KMT2E: variants seen among roughly 807,000 people sequenced by gnomAD.
KMT2E encodes the protein histone reader KMT2E.
Under a neutral mutation model 184.6 loss-of-function variants are expected in KMT2E, and 30 were observed. The observed-to-expected ratio is 0.16, with a 90% confidence interval of 0.12 to 0.22. KMT2E has a LOEUF of 0.22. Among genes scored for constraint, KMT2E ranks in the 10% least tolerant of loss-of-function variants. The pLI, the probability that KMT2E is intolerant of heterozygous loss-of-function variation, is 1.00. For synonymous variants in KMT2E, 815 were observed against 776.5 expected, an observed-to-expected ratio of 1.05 and a Z score of -0.82; for missense variants, 2,023 against 2,237.4, an observed-to-expected ratio of 0.90 and a Z score of 1.93.
At chr7:105,107,304 A>T in intron 21 of KMT2E, 58 bp from the exon 22 acceptor site, 1 of 1,521,188 alleles carries the variant, frequency 6.6e-7, no homozygotes, top group Non-Finnish European at 8.9e-7. Flanking sequence ...TAAATTTTGA[A>T]ATAAACAGTC....
At chr7:105,090,902 G>A (rs1798176280) in intron 14 of KMT2E, among the ~76,000 whole-genome samples, 1 of 152,060 alleles carries the variant, frequency 6.6e-6, no homozygotes, top group South Asian at 2.1e-4. Flanking sequence ...TTGAGCACTG[G>A]GTATTTGTGG....
intron 1 of KMT2E, among the ~76,000 whole-genome samples, chr7:105,016,654 T>C (rs1794727153): frequency 6.6e-6 from 1 of 152,144 alleles, no homozygotes; most frequent in Non-Finnish European, 1.5e-5. Flanking sequence ...AACTAAGCAG[T>C]GAGATGTGAG....
Position 105,113,368 on chromosome 7 carries a change from T to TAAGA in KMT2E, c.*36_*39dup, listed in dbSNP as rs770936489. On this transcript the variant is annotated 3_prime_UTR_variant, in exon 27 of 27. Coordinates refer to ENST00000311117, the MANE Select transcript of KMT2E (RefSeq NM_182931.3). ...CAAAAACATTTTTTTAAATGTTCTGTAAGATAAACTGTATATTTCATATGT... is the reference window on the plus strand; with the variant it reads ...CAAAAACATTTTTTTAAATGTTCTGTAAGAAAGATAAACTGTATATTTCATATGT... The TAAGA allele has an allele frequency of 2.0e-5, 32 of 1,575,370 alleles. No individual in the cohort carries two copies. The highest frequency in any genetic ancestry group is 3.4e-5 in the South Asian group (3 of 87,148).
At chr7:105,049,939 G>A (rs1796262151) in intron 3 of KMT2E, among the ~76,000 whole-genome samples, 1 of 152,042 alleles carries the variant, frequency 6.6e-6, no homozygotes, top group African/African-American at 2.4e-5. Context: ...AAAAATTGGA[G>A]TCCTGTTCCT....
In KMT2E at chr7:105,023,910, C is replaced by T. The variant is rs566332133; in HGVS notation, c.-189+9375C>T. ...AAACATCTGTAATTCTAGGGCAAAG[C>T]GGTATATGGTTTCTAGAACTTTGTA... On this transcript the variant is annotated intron_variant, in intron 1 of 26. Coordinates refer to ENST00000311117, the MANE Select transcript of KMT2E (RefSeq NM_182931.3). Among the ~76,000 whole-genome samples, 5 of 151,976 alleles carry T rather than the reference C, an allele frequency of 3.3e-5. 1 individual carries two copies. Among genetic ancestry groups the T allele is most frequent in the Non-Finnish European group, 5.9e-5 (4 of 67,986 alleles).
chr7:105,034,674 G>A (rs183916800), intron 1 of KMT2E, among the ~76,000 whole-genome samples: 1 of 151,484 alleles, frequency 6.6e-6, no homozygotes, highest in African/African-American at 2.4e-5. Flanking sequence ...CACAGTTAAG[G>A]TATAGAACAA....
At chr7:105,030,707 A>G (rs549977821) in intron 1 of KMT2E, among the ~76,000 whole-genome samples, 7 of 152,292 alleles carry the variant, frequency 4.6e-5, no homozygotes, top group East Asian at 3.9e-4. Context: ...GAGAATCTCT[A>G]GGGTAAGGCC....
At chr7:105,073,892 T>C (rs964516458) in intron 7 of KMT2E, among the ~76,000 whole-genome samples, 4 of 152,076 alleles carry the variant, frequency 2.6e-5, no homozygotes, top group Middle Eastern at 3.2e-3. Flanking sequence ...GGAAATAAAA[T>C]GGAAATGAGA....
Position 105,071,608 on chromosome 7 carries a change from A to ATT in KMT2E, c.498-1984_498-1983dup, listed in dbSNP as rs869055986. Among the ~76,000 whole-genome samples the ATT allele has an allele frequency of 3.5e-3, 110 of 31,872 alleles. 12 individuals carry two copies. The highest frequency in any genetic ancestry group is 0.026 in the Middle Eastern group (1 of 38). The allele number at this position is 31,872 out of a possible 152,430, so 20.9% of individuals were successfully genotyped here. A position where few individuals can be genotyped will look rare whatever the true frequency, so the allele number is the denominator to read the frequency against. On this transcript the variant is annotated intron_variant, in intron 6 of 26. Transcript: ENST00000311117. The stretch of plus-strand genomic sequence containing the variant: ...TATATATATATATATATATATATAT[A>ATT]TTTTTTTTTTTTTTTTTTTTTTTTT...
intron 6 of KMT2E, among the ~76,000 whole-genome samples, chr7:105,070,468 CA>C (rs944847080): frequency 1.3e-5 from 2 of 149,722 alleles, no homozygotes; most frequent in African/African-American, 2.5e-5. Context: ...CCATTGCTAC[CA>C]AAAAAAATAC....
At chr7:105,027,068 C>G (rs1025857804) in intron 1 of KMT2E, among the ~76,000 whole-genome samples, 1 of 143,838 alleles carries the variant, frequency 7.0e-6, no homozygotes, top group Non-Finnish European at 1.5e-5. Context: ...AGAAAGGCCC[C>G]GCCCTCTTTT....
intron 17 of KMT2E, chr7:105,104,028 T>C (rs7787558): frequency 0.61 from 91,761 of 151,530 alleles, 29,173 homozygotes; most frequent in South Asian, 0.71. Context: ...GGTTTCACCA[T>C]GTTGGCCAGG....
At chr7:105,023,747 G>A (rs576704781) in intron 1 of KMT2E, among the ~76,000 whole-genome samples, 5 of 152,182 alleles carry the variant, frequency 3.3e-5, no homozygotes, top group African/African-American at 9.6e-5. Flanking sequence ...GCCCGGCTCC[G>A]TTAAGCAATT....
chr7:105,107,205 C>T lies in KMT2E; in HGVS notation c.2887C>T (p.Arg963Cys), dbSNP rs375398229. Residue 963 changes from arginine to cysteine, a missense_variant, in exon 21 of 27, where the codon CGC becomes TGC. Around this residue, in one of 8 missense-constraint regions of KMT2E, gnomAD observed 514 missense variants for 621.8 expected, o/e 0.83. Transcript: ENST00000311117. ...AGAAAGTTCTCCAGAAATAAAGAGA[C>T]GCACTTATAGTCAAGAGGTAAGAAG... ...SPESSPEIKR[R>C]TYSQEGYDRS... 1.7e-4 allele frequency: 271 copies of T among 1,554,826 alleles called. No individual in the cohort carries two copies. The East Asian group carries it at 2.7e-3, about 15-fold the overall frequency.
chr7:105,058,176 A>G (rs1191689487), intron 3 of KMT2E, among the ~76,000 whole-genome samples: 2 of 152,102 alleles, frequency 1.3e-5, no homozygotes, highest in African/African-American at 2.4e-5. Flanking sequence ...ATAAACTGGT[A>G]TTTGGATTTA....
intron 1 of KMT2E, among the ~76,000 whole-genome samples, chr7:105,023,207 C>T (rs1655989956): frequency 6.6e-6 from 1 of 151,632 alleles, no homozygotes; most frequent in Admixed American, 6.6e-5. Flanking sequence ...TCCCCTTTCT[C>T]CAATAAAAAA....
At chr7:105,094,952 C>A (rs1031134067) in intron 15 of KMT2E, among the ~76,000 whole-genome samples, 3 of 152,192 alleles carry the variant, frequency 2.0e-5, no homozygotes, top group Admixed American at 1.3e-4. Flanking sequence ...ATCTACTGTA[C>A]TTCACCCTAT....
At chr7:105,077,498 C>A in intron 11 of KMT2E, 65 bp downstream of exon 11, 2 of 1,278,146 alleles carry the variant, frequency 1.6e-6, no homozygotes, top group Non-Finnish European at 2.2e-6. Context: ...GGCTGTTTTA[C>A]CTAGATGTTG....
chr7:105,089,464 C>T, intron 13 of KMT2E: 3 of 212,632 alleles, frequency 1.4e-5, no homozygotes, highest in Non-Finnish European at 1.9e-5. Flanking sequence ...GGATTACAGG[C>T]AAGAGCCACT....
Sources: allele counts gnomAD v4.1 joint callset (sites outside exome capture counted in the v4.1 genomes callset), GRCh38; gene constraint gnomAD v4.1.1; regional missense constraint gnomAD v4.1.1; transcripts MANE v1.5; gene names NCBI Gene and HGNC (gene_info 2026-07-23, HGNC 2026-07-21).